Variants in NPY observed in about 807,000 individuals in gnomAD.
NPY encodes the protein neuropeptide Y.
A neutral mutation model predicts 13.2 loss-of-function variants in NPY; 11 were observed. The observed-to-expected ratio is 0.83, with a 90% CI of 0.52 to 1.38. NPY has a LOEUF of 1.38. Among genes scored for constraint, NPY ranks in the 40% most tolerant of loss-of-function variants. The pLI, the probability that NPY is intolerant of heterozygous loss-of-function variation, is 0.00. For synonymous variants in NPY, 51 were observed against 55.6 expected (o/e 0.92, Z 0.37); for missense variants, 109 against 125.1 (o/e 0.87, Z 0.61).
intron 1 of NPY, 117 bp downstream of exon 1, chr7:24,284,392 C>CT (rs1362930235): frequency 6.6e-6 from 1 of 152,514 alleles, no homozygotes; most frequent in East Asian, 1.9e-4. Flanking sequence ...TCGCGCTCCA[C>CT]TCCCCAGCGG....
chr7:24,291,496 C>T (rs895706822), intron 3 of NPY, among the ~76,000 whole-genome samples, 167 bp from the exon 4 acceptor site: 6 of 152,176 alleles, frequency 3.9e-5, no homozygotes, highest in South Asian at 2.1e-4. Flanking sequence ...ATTGTGCCTC[C>T]GCCTCACGAT....
intron 2 of NPY, among the ~76,000 whole-genome samples, chr7:24,288,312 C>T (rs1028815116): frequency 2.6e-5 from 4 of 152,174 alleles, no homozygotes; most frequent in African/African-American, 9.7e-5. Flanking sequence ...AAATCTCACA[C>T]ATGATGGGAG....
chr7:24,287,143 C>A (rs1267070574), intron 2 of NPY, among the ~76,000 whole-genome samples: 2 of 152,132 alleles, frequency 1.3e-5, no homozygotes, highest in Non-Finnish European at 2.9e-5. Context: ...TCACCACCAT[C>A]AACAGGCAGT....
Position 24,288,687 on chromosome 7 carries a change from GAAAA to G in NPY, c.189-793_189-790del, listed in dbSNP as rs59946765. 5.4e-4 allele frequency among the ~76,000 whole-genome samples: 48 copies of G among 89,042 alleles called. 2 individuals carry two copies. Among genetic ancestry groups the G allele is most frequent in the Admixed American group, 4.0e-3 (30 of 7,550 alleles). The allele number at this position is 89,042 out of a possible 152,430, so 58.4% of individuals were successfully genotyped here. A position where few individuals can be genotyped will look rare whatever the true frequency, so the allele number is the denominator to read the frequency against. On this transcript the variant is annotated intron_variant, in intron 2 of 3. Coordinates refer to ENST00000242152, the MANE Select transcript of NPY (RefSeq NM_000905.4). ...GTCTCACCCATATCCTGCTACAGGA[GAAAA>G]AAAAAAAAAAAAAAAAAAGAACATT...
chr7:24,289,612 C>A, intron 3 of NPY, 33 bp downstream of exon 3: 1 of 1,566,006 alleles, frequency 6.4e-7, no homozygotes, highest in Non-Finnish European at 8.8e-7. Context: ...GACATTGTTG[C>A]AGAGCTCAAG....
chr7:24,291,249 C>CT (rs1422221588), intron 3 of NPY, among the ~76,000 whole-genome samples: 4 of 150,828 alleles, frequency 2.7e-5, no homozygotes, highest in African/African-American at 9.7e-5. Context: ...TTATTATAGT[C>CT]TAATAAGTAG....
At chr7:24,291,550 CTT>C (rs1203322731) in intron 3 of NPY, 111 bp from the exon 4 acceptor site, 34 of 1,301,996 alleles carry the variant, frequency 2.6e-5, no homozygotes, top group Non-Finnish European at 3.3e-5. Flanking sequence ...CAACAGGAAA[CTT>C]TTCAACAGTT....
intron 2 of NPY, among the ~76,000 whole-genome samples, chr7:24,287,821 C>T (rs976805290): frequency 1.3e-5 from 2 of 152,170 alleles, no homozygotes; most frequent in Non-Finnish European, 2.9e-5. Flanking sequence ...TTCCTGGCTG[C>T]ACATTAAAAT....
chr7:24,288,974 C>T (rs981579339), intron 2 of NPY, among the ~76,000 whole-genome samples: 16 of 152,012 alleles, frequency 1.1e-4, no homozygotes, highest in Non-Finnish European at 1.8e-4. Context: ...GTTTTACAAA[C>T]GAGAAAATTG....
At chr7:24,286,859 C>G (rs1052194849) in intron 2 of NPY, among the ~76,000 whole-genome samples, 2 of 152,116 alleles carry the variant, frequency 1.3e-5, no homozygotes, top group Non-Finnish European at 2.9e-5. Flanking sequence ...ACTGTTTTTT[C>G]TAGAAAAACC....
Position 24,289,484 on chromosome 7 carries a change from C to A in NPY, c.189-15C>A. The A allele has an allele frequency of 7.3e-7, 1 of 1,370,022 alleles. No homozygotes were observed. Among genetic ancestry groups the A allele is most frequent in the Non-Finnish European group, 1.0e-6 (1 of 1,000,212 alleles). 84.9% of individuals were successfully genotyped at this position (1,370,022 alleles called of 1,614,324 possible). A position where few individuals can be genotyped will look rare whatever the true frequency, so the allele number is the denominator to read the frequency against. ...CCTATTCCAAACTTGCTTTAAAAGACTTTTTTTTTTCCAGATATGGAAAAC... is the reference window on the plus strand; with the variant it reads ...CCTATTCCAAACTTGCTTTAAAAGAATTTTTTTTTTCCAGATATGGAAAAC... On this transcript the variant is annotated splice_polypyrimidine_tract_variant and intron_variant, in intron 2 of 3. Transcript: ENST00000242152.
chr7:24,284,431 A>G (rs890439706), intron 1 of NPY, among the ~76,000 whole-genome samples, 156 bp downstream of exon 1: 2 of 152,160 alleles, frequency 1.3e-5, no homozygotes, highest in Non-Finnish European at 2.9e-5. Flanking sequence ...CCCGACGCGG[A>G]CCAGCCCTCT....
At chr7:24,289,863 T>C (rs1280958623) in intron 3 of NPY, among the ~76,000 whole-genome samples, 1 of 152,158 alleles carries the variant, frequency 6.6e-6, no homozygotes, top group Non-Finnish European at 1.5e-5. Context: ...TTATATAGAA[T>C]TTCTAACATT....
intron 3 of NPY, among the ~76,000 whole-genome samples, chr7:24,291,240 T>G (rs1324359564): frequency 2.7e-5 from 4 of 150,394 alleles, no homozygotes; most frequent in Non-Finnish European, 5.9e-5. Context: ...ATAAAGGTCT[T>G]ATTATAGTCT....
chr7:24,291,567 G>A, intron 3 of NPY, 96 bp from the exon 4 acceptor site: 1 of 1,424,416 alleles, frequency 7.0e-7, no homozygotes, highest in Non-Finnish European at 9.8e-7. Context: ...ACAGTTCCCG[G>A]TCATCTTTCA....
At chr7:24,290,775 A>AATTATTATTATTATTATTATTATTATT (rs10693219) in intron 3 of NPY, among the ~76,000 whole-genome samples, 8 of 129,634 alleles carry the variant, frequency 6.2e-5, no homozygotes, top group African/African-American at 1.7e-4. Flanking sequence ...TAATAATAAT[A>AATTATTATTATTATTATTATTATTATT]ATTATTATTA....
At chr7:24,287,319 C>T (rs1041440778) in intron 2 of NPY, among the ~76,000 whole-genome samples, 4 of 152,106 alleles carry the variant, frequency 2.6e-5, no homozygotes, top group African/African-American at 4.8e-5. Flanking sequence ...TCTTAATGTA[C>T]GTCCATCTTC....
intron 1 of NPY, chr7:24,284,742 A>T (rs1372778749): frequency 6.0e-6 from 1 of 165,492 alleles, no homozygotes; most frequent in Non-Finnish European, 1.3e-5. Context: ...CTTTGGAGCA[A>T]TTCTGGCCCA....
chr7:24,287,343 A>G (rs1787429414), intron 2 of NPY, among the ~76,000 whole-genome samples: 1 of 152,146 alleles, frequency 6.6e-6, no homozygotes, highest in Non-Finnish European at 1.5e-5. Flanking sequence ...TTCCCACCAC[A>G]GACACCCACT....
Sources: allele counts gnomAD v4.1 joint callset (sites outside exome capture counted in the v4.1 genomes callset), GRCh38; gene constraint gnomAD v4.1.1; transcripts MANE v1.5; gene names NCBI Gene and HGNC (gene_info 2026-07-23, HGNC 2026-07-21).